RTN4: variants seen among roughly 807,000 people sequenced by gnomAD.
The protein encoded by RTN4 is reticulon 4.
RTN4 carries 32 observed loss-of-function variants against 90.4 expected under a neutral mutation model. The observed-to-expected ratio is 0.35, with a 90% confidence interval of 0.27 to 0.48. The LOEUF (loss-of-function observed/expected upper bound fraction) is 0.48, where lower values mean the gene tolerates loss of function less well. Ranked by LOEUF, RTN4 falls within the 20% of genes least tolerant of loss-of-function variation. The probability of loss-of-function intolerance (pLI) is 0.99; values close to 1 mark genes in which losing one functional copy is unlikely to be tolerated. For missense variants in RTN4, 1,706 were observed against 1,430.2 expected, an observed-to-expected ratio of 1.19 and a Z score of -3.11; for synonymous variants, 629 against 552.5, an observed-to-expected ratio of 1.14 and a Z score of -1.94.
At chr2:55,015,519 T>C (rs1360525390) in intron 3 of RTN4, among the ~76,000 whole-genome samples, 1 of 151,724 alleles carries the variant, frequency 6.6e-6, no homozygotes. Flanking sequence ...TCTCATAAAA[T>C]CAGGGAAAAA....
At chr2:55,061,967 G>A (rs561486677) in intron 2 of RTN4, among the ~76,000 whole-genome samples, 146 of 152,270 alleles carry the variant, frequency 9.6e-4, no homozygotes, top group Non-Finnish European at 1.6e-3. Flanking sequence ...GTTGAGAGAA[G>A]CACATTGGCG....
chr2:55,039,652 T>G (rs1682936039), intron 1 of RTN4, among the ~76,000 whole-genome samples: 1 of 152,082 alleles, frequency 6.6e-6, no homozygotes, highest in South Asian at 2.1e-4. Flanking sequence ...TAGTGTTGGG[T>G]GCCTGTAATC....
At chr2:54,998,169 A>T (rs1558784221) in intron 3 of RTN4, among the ~76,000 whole-genome samples, 1 of 148,210 alleles carries the variant, frequency 6.7e-6, no homozygotes, top group Non-Finnish European at 1.5e-5. Context: ...AAAGTAGATA[A>T]GTGATTGTCA....
intron 1 of RTN4, among the ~76,000 whole-genome samples, chr2:55,040,610 A>C (rs1290467215): frequency 6.6e-6 from 1 of 152,164 alleles, no homozygotes; most frequent in African/African-American, 2.4e-5. Flanking sequence ...CTTTCCACAA[A>C]AGCAGTTCAC....
intron 2 of RTN4, among the ~76,000 whole-genome samples, chr2:55,074,517 CAAAAA>C (rs778275041): frequency 1.7e-5 from 1 of 59,628 alleles, no homozygotes; most frequent in African/African-American, 5.8e-5. Flanking sequence ...CTGCCCTCAC[CAAAAA>C]AAAAAAAAAA....
the RTN4 span, among the ~76,000 whole-genome samples, chr2:55,130,596 C>T: frequency 2.6e-5 from 4 of 152,076 alleles, no homozygotes; most frequent in Non-Finnish European, 5.9e-5. Context: ...ACGAAAAATA[C>T]AAAAATTAGC....
chr2:55,103,382 T>G (rs943702733), intron 1 of RTN4, among the ~76,000 whole-genome samples: 1 of 152,106 alleles, frequency 6.6e-6, no homozygotes. Context: ...ATAAATAAGT[T>G]CTGGAGACCT....
chr2:55,090,036 T>C (rs1228171519), intron 1 of RTN4, among the ~76,000 whole-genome samples: 1 of 152,232 alleles, frequency 6.6e-6, no homozygotes, highest in Non-Finnish European at 1.5e-5. Context: ...ACACATGTTT[T>C]CTAAGGAGAG....
chr2:55,132,189 C>T, the RTN4 span, among the ~76,000 whole-genome samples: 1 of 152,164 alleles, frequency 6.6e-6, no homozygotes, highest in Non-Finnish European at 1.5e-5. Context: ...TTACACTATG[C>T]TCTCCACTTT....
At chr2:55,030,955 G>A (rs1682268892) in intron 1 of RTN4, among the ~76,000 whole-genome samples, 1 of 152,166 alleles carries the variant, frequency 6.6e-6, no homozygotes, top group South Asian at 2.1e-4. Context: ...AAACATTAAT[G>A]TGGGACAGGT....
At chr2:55,019,041 G>C (rs1681240319) in intron 3 of RTN4, among the ~76,000 whole-genome samples, 1 of 152,080 alleles carries the variant, frequency 6.6e-6, no homozygotes, top group African/African-American at 2.4e-5. Flanking sequence ...CCCAAAGAAA[G>C]AAGGTTGCAT....
intron 1 of RTN4, among the ~76,000 whole-genome samples, chr2:55,044,950 A>G (rs1383775621): frequency 6.6e-6 from 1 of 152,186 alleles, no homozygotes; most frequent in Non-Finnish European, 1.5e-5. Flanking sequence ...CACAAAAATG[A>G]AAGTGGGGAA....
At chr2:55,061,381 A>G (rs1299114787) in intron 2 of RTN4, among the ~76,000 whole-genome samples, 1 of 152,186 alleles carries the variant, frequency 6.6e-6, no homozygotes, top group East Asian at 1.9e-4. Context: ...CAAAATAACA[A>G]TCACAGCTGA....
intron 3 of RTN4, among the ~76,000 whole-genome samples, chr2:55,003,466 T>TA (rs1344845219): frequency 6.6e-6 from 1 of 151,822 alleles, no homozygotes; most frequent in African/African-American, 2.4e-5. Context: ...TGAAGCAGAT[T>TA]AAAAAAAATA....
chr2:55,063,922 C>T (rs547362573), intron 2 of RTN4, among the ~76,000 whole-genome samples: 40 of 149,730 alleles, frequency 2.7e-4, no homozygotes, highest in Admixed American at 1.7e-3. Context: ...GAACAGAGGG[C>T]AACAAAACTG....
upstream of RTN4, among the ~76,000 whole-genome samples, chr2:55,112,966 A>C (rs1014580447): frequency 1.5e-4 from 23 of 152,232 alleles, no homozygotes; most frequent in African/African-American, 5.5e-4. Context: ...TAGACACATG[A>C]CAACAAACTG....
At chr2:54,989,761 T>A (rs950562585) in intron 3 of RTN4, among the ~76,000 whole-genome samples, 1 of 152,204 alleles carries the variant, frequency 6.6e-6, no homozygotes, top group Non-Finnish European at 1.5e-5. Context: ...CTGGAAGAAA[T>A]GTTAAGACTG....
chr2:55,111,328 C>T (rs555816241), intron 1 of RTN4, among the ~76,000 whole-genome samples: 4 of 151,862 alleles, frequency 2.6e-5, no homozygotes, highest in Middle Eastern at 3.4e-3. Flanking sequence ...TCAGAGGCAC[C>T]CTCAAATCTT....
chr2:55,131,036 C>A, the RTN4 span, among the ~76,000 whole-genome samples: 1 of 152,236 alleles, frequency 6.6e-6, no homozygotes, highest in South Asian at 2.1e-4. Flanking sequence ...GCACTTAATT[C>A]ACTACGTATT....
Sources: allele counts gnomAD v4.1 joint callset (sites outside exome capture counted in the v4.1 genomes callset), GRCh38; gene constraint gnomAD v4.1.1; transcripts MANE v1.5; gene names NCBI Gene and HGNC (gene_info 2026-07-23, HGNC 2026-07-21).